The following TMPRSS13 variants were observed in gnomAD, a reference collection of about 807,000 sequenced individuals.
TMPRSS13 encodes the protein transmembrane serine protease 13.
Under a neutral mutation model 68.4 loss-of-function variants are expected in TMPRSS13, and 50 were observed. The observed-to-expected ratio is 0.73, with a 90% CI of 0.58 to 0.93. The LOEUF is 0.93. TMPRSS13 is among the 40% of genes least tolerant of loss of function. The probability of loss-of-function intolerance (pLI) is 0.00; values close to 1 mark genes in which losing one functional copy is unlikely to be tolerated. For missense variants in TMPRSS13, 615 were observed against 729.2 expected (o/e 0.84, Z 1.80); for synonymous variants, 267 against 285.8 (o/e 0.93, Z 0.66).
rs1591621850 is a variant in TMPRSS13, at chr11:117,911,793, A to G, written c.877T>C (p.Ser293Pro). 1 of 1,613,968 alleles carries G rather than the reference A, an allele frequency of 6.2e-7. No homozygotes were observed. The highest frequency in any genetic ancestry group is 8.5e-7 in the Non-Finnish European group (1 of 1,179,986). ...CTGTGGAGGCTTTCCTGGATGGTGGAGTTGTATCTCAAGATTGAGAAGCTG... is the reference window on the plus strand; with the variant it reads ...CTGTGGAGGCTTTCCTGGATGGTGGGGTTGTATCTCAAGATTGAGAAGCTG... ...ANSFSILRYN[S>P]TIQESLHRSE... The change falls in exon 6 of 13, where the codon TCC becomes CCC. Residue 293 changes from serine to proline, a missense_variant. Ser to Pro is a moderately conservative substitution (Grantham distance 74, BLOSUM62 -1). Coordinates refer to ENST00000524993, the MANE Select transcript of TMPRSS13 (RefSeq NM_001077263.3).
At position 117,915,224 on chromosome 11, in the gene TMPRSS13, A is replaced by T. The variant is rs558384936; in HGVS notation, c.557-710T>A. On this transcript the variant is annotated intron_variant, in intron 3 of 12. Coordinates refer to ENST00000524993, the MANE Select transcript of TMPRSS13 (RefSeq NM_001077263.3). This position sits in a 1 kb window ranked among gnomAD's most constrained non-coding sequence, Gnocchi z 4.9. ...TGCTTCACGACTTCCTCCCTCTCTAACAGCAATCTCTTTCCAAACCAGGGG... is the reference window on the plus strand; with the variant it reads ...TGCTTCACGACTTCCTCCCTCTCTATCAGCAATCTCTTTCCAAACCAGGGG... 5.9e-5 allele frequency among the ~76,000 whole-genome samples: 9 copies of T among 152,190 alleles called. No homozygotes were observed. The highest frequency in any genetic ancestry group is 1.3e-4 in the Admixed American group (2 of 15,300).
intron 12 of TMPRSS13, 24 bp from the exon 13 acceptor site, chr11:117,902,289 G>A (rs1350109089): frequency 2.5e-6 from 4 of 1,613,440 alleles, no homozygotes; most frequent in African/African-American, 1.3e-5. Context: ...TGGGAGAAGA[G>A]GGTGAGGGTG....
chr11:117,905,691 C>T lies in TMPRSS13; in HGVS notation c.1328G>A (p.Ser443Asn). ...TGTGATCCAGCAGGTCTCATTGAGG[C>T]TAAAGGTCTGTCCATGCATGGGGAG... ...ACLPMHGQTF[S>N]LNETCWITGF... Residue 443 changes from serine (S) to asparagine (N), a missense_variant, in exon 10 of 13, where the codon AGC becomes AAC. Ser to Asn is a conservative substitution (Grantham distance 46, BLOSUM62 1). Coordinates refer to ENST00000524993, the MANE Select transcript of TMPRSS13 (RefSeq NM_001077263.3). 6.2e-7 allele frequency: 1 copy of T among 1,606,518 alleles called. No individual in the cohort carries two copies. The highest frequency in any genetic ancestry group is 8.5e-7 in the Non-Finnish European group (1 of 1,175,696).
Position 117,908,627 on chromosome 11 carries a change from G to T in TMPRSS13, c.1267C>A (p.Pro423Thr), listed in dbSNP as rs1366215831. Residue 423 changes from proline (P) to threonine (T), a missense_variant, in exon 9 of 13, where the codon CCC becomes ACC. Coordinates refer to ENST00000524993, the MANE Select transcript of TMPRSS13 (RefSeq NM_001077263.3). ...ATTCCCTCACCGGACAGGGTCAGGG[G>T]CTTGGACAGCCGCATGAGGGCGATG... ...YDIALMRLSKPLTLSAHIHPA... is the reference protein window; with the variant it reads ...YDIALMRLSKTLTLSAHIHPA... 6.4e-7 allele frequency: 1 copy of T among 1,565,560 alleles called. No homozygotes were observed. The highest frequency in any genetic ancestry group is 8.7e-7 in the Non-Finnish European group (1 of 1,155,286).
intron 6 of TMPRSS13, 49 bp from the exon 7 acceptor site, chr11:117,910,799 C>A: frequency 6.5e-7 from 1 of 1,544,190 alleles, no homozygotes. Flanking sequence ...TAGCTACCTC[C>A]TCCAGGAAGC....
Position 117,909,856 on chromosome 11 carries a change from G to A in TMPRSS13, c.1059C>T (p.Gly353=), listed in dbSNP as rs2057503009. 6.2e-7 allele frequency: 1 copy of A among 1,613,682 alleles called. No individual in the cohort carries two copies. The highest frequency in any genetic ancestry group is 1.3e-5 in the African/African-American group (1 of 74,946). The change falls in exon 8 of 13, where the codon GGC becomes GGT. Residue 353 remains glycine (G), a synonymous_variant. Coordinates refer to ENST00000524993, the MANE Select transcript of TMPRSS13 (RefSeq NM_001077263.3). ...LHFGTTHICG[G]TLIDAQWVLT... is the part of the protein sequence containing the mutation. ...GCACCCACTGGGCGTCAATGAGCGTGCCTCCACAGATGTGGGTGGTGCCGA... is the reference window on the plus strand; with the variant it reads ...GCACCCACTGGGCGTCAATGAGCGTACCTCCACAGATGTGGGTGGTGCCGA...
At chr11:117,905,483 C>T (rs1272840109) in intron 10 of TMPRSS13, among the ~76,000 whole-genome samples, 155 bp downstream of exon 10, 1 of 152,158 alleles carries the variant, frequency 6.6e-6, no homozygotes, top group South Asian at 2.1e-4. Flanking sequence ...TGTCTATACA[C>T]ACATAATCAC....
rs944185322 is a variant in TMPRSS13 at position 117,902,173 on chromosome 11, A to G, written c.*66T>C. ...GCCATTAGCCCAGATGATGCCACACATGGCCAGTCACCATGGCCAGAGTCT... is the reference window on the plus strand; with the variant it reads ...GCCATTAGCCCAGATGATGCCACACGTGGCCAGTCACCATGGCCAGAGTCT... On this transcript the variant is annotated 3_prime_UTR_variant, in exon 13 of 13. Transcript: ENST00000524993. The G allele has an allele frequency of 3.7e-5, 59 of 1,582,344 alleles. No homozygotes were observed. Among genetic ancestry groups the G allele is most frequent in the Middle Eastern group, 1.7e-4 (1 of 5,928 alleles).
intron 1 of TMPRSS13, among the ~76,000 whole-genome samples, chr11:117,924,453 A>T (rs1452515703): frequency 6.6e-6 from 1 of 152,136 alleles, no homozygotes; most frequent in Non-Finnish European, 1.5e-5. Flanking sequence ...GACCCTGGGC[A>T]TCAAGGGCGC....
chr11:117,907,921 AGTC>A, intron 9 of TMPRSS13: 1 of 985,810 alleles, frequency 1.0e-6, no homozygotes. Context: ...GAATGAATGA[AGTC>A]TTCTTTGACG....
chr11:117,923,279 C>A (rs771655553), intron 1 of TMPRSS13, among the ~76,000 whole-genome samples: 1 of 152,224 alleles, frequency 6.6e-6, no homozygotes, highest in Non-Finnish European at 1.5e-5. Context: ...TAGATCCCCC[C>A]TGAGGCGAAT....
intron 1 of TMPRSS13, among the ~76,000 whole-genome samples, chr11:117,919,943 C>G (rs10790220): frequency 0.99 from 151,366 of 152,368 alleles, 75,190 homozygotes; most frequent in Middle Eastern, 1. Flanking sequence ...ATGGGGCCCC[C>G]TGGCCCTGCA....
intron 1 of TMPRSS13, among the ~76,000 whole-genome samples, chr11:117,920,799 T>C (rs2057637517): frequency 6.6e-6 from 1 of 152,130 alleles, no homozygotes; most frequent in Non-Finnish European, 1.5e-5. Flanking sequence ...CAGCCGATAG[T>C]GGGGTTTTGT....
At chr11:117,923,935 C>A (rs11216629) in intron 1 of TMPRSS13, among the ~76,000 whole-genome samples, 1 of 151,602 alleles carries the variant, frequency 6.6e-6, no homozygotes, top group Non-Finnish European at 1.5e-5. Flanking sequence ...CATCAGGGCC[C>A]GTTTCAGTCC....
chr11:117,908,065 G>T (rs1414443256), intron 9 of TMPRSS13: 2 of 1,018,846 alleles, frequency 2.0e-6, no homozygotes, highest in East Asian at 1.8e-4. Flanking sequence ...TCGACTGCAG[G>T]GTAAGCAATT....
In TMPRSS13 at chr11:117,915,046, G is replaced by A. The variant is rs138433791; in HGVS notation, c.557-532C>T. Among the ~76,000 whole-genome samples the A allele has an allele frequency of 4.5e-4, 69 of 152,236 alleles. No homozygotes were observed. The East Asian group carries it at 0.013, about 28-fold the overall frequency. On this transcript the variant is annotated intron_variant, in intron 3 of 12. Coordinates refer to ENST00000524993, the MANE Select transcript of TMPRSS13 (RefSeq NM_001077263.3). This position sits in a 1 kb window ranked among gnomAD's most constrained non-coding sequence, Gnocchi z 4.9. ...TTTTTTGCTTCTCCCTCTCCCCTGC[G>A]CAAGGGACACCTCTATGCTCAGTTC...
intron 9 of TMPRSS13, chr11:117,907,471 ATAAT>A: frequency 6.6e-6 from 1 of 152,388 alleles, no homozygotes; most frequent in East Asian, 1.9e-4. Flanking sequence ...CACCGCCTCC[ATAAT>A]TAATGTGCGA....
chr11:117,921,314 A>G (rs746169760), intron 1 of TMPRSS13, among the ~76,000 whole-genome samples: 1 of 152,158 alleles, frequency 6.6e-6, no homozygotes, highest in Non-Finnish European at 1.5e-5. Context: ...CAAGTCTCTC[A>G]GTTAGCAAGC....
chr11:117,918,911 C>G, intron 1 of TMPRSS13, 73 bp from the exon 2 acceptor site: 1 of 1,584,204 alleles, frequency 6.3e-7, no homozygotes, highest in Non-Finnish European at 8.6e-7. Flanking sequence ...CTGTGCTGCA[C>G]TAGGAGATGA....
Sources: allele counts gnomAD v4.1 joint callset (sites outside exome capture counted in the v4.1 genomes callset), GRCh38; gene constraint gnomAD v4.1.1; non-coding constraint Gnocchi (gnomAD v3.1); transcripts MANE v1.5; gene names NCBI Gene and HGNC (gene_info 2026-07-23, HGNC 2026-07-21).